SETX: variants seen among roughly 807,000 people sequenced by gnomAD.
SETX encodes the protein senataxin.
In SETX, 90 loss-of-function variants were observed where a neutral mutation model predicts 227.2. The observed-to-expected ratio is 0.40, with a 90% CI of 0.33 to 0.47. The LOEUF is 0.47. Among genes scored for constraint, SETX ranks in the 20% least tolerant of loss-of-function variants. The pLI is 0.91. For synonymous variants in SETX, 1,210 were observed against 1,113.2 expected, an observed-to-expected ratio of 1.09 and a Z score of -1.73; for missense variants, 3,052 against 3,181.5, an observed-to-expected ratio of 0.96 and a Z score of 0.98.
chr9:132,342,583 A>G, intron 5 of SETX, 107 bp downstream of exon 5: 1 of 920,602 alleles, frequency 1.1e-6, no homozygotes, highest in Non-Finnish European at 1.8e-6. Context: ...AGCAAGAAAA[A>G]TTTTAGCAAA....
chr9:132,345,935 C>T (rs567073147), intron 4 of SETX, among the ~76,000 whole-genome samples: 1 of 152,282 alleles, frequency 6.6e-6, no homozygotes, highest in Non-Finnish European at 1.5e-5. Flanking sequence ...AGGAGTATTA[C>T]TTGAGCCCAG....
At position 132,318,566 on chromosome 9, in the gene SETX, T is replaced by C. The variant is rs144108553; in HGVS notation, c.5275-6710A>G. ...ACTCTGGGAGTAAGCATTTCAGTAT[T>C]ACAATCTCTAAGTCTACCCTGATAC... On this transcript the variant is annotated intron_variant, in intron 10 of 25. Coordinates refer to ENST00000224140, the MANE Select transcript of SETX (RefSeq NM_015046.7). 2.6e-5 allele frequency among the ~76,000 whole-genome samples: 4 copies of C among 152,280 alleles called. No individual in the cohort carries two copies. The East Asian group carries it at 7.7e-4, about 29-fold the overall frequency.
intron 3 of SETX, among the ~76,000 whole-genome samples, chr9:132,347,072 C>G (rs1185997): frequency 1.3e-5 from 2 of 151,832 alleles, no homozygotes; most frequent in Non-Finnish European, 2.9e-5. Context: ...CTGACCAACA[C>G]GGAGGAACCT....
intron 13 of SETX, 146 bp downstream of exon 13, chr9:132,297,934 C>T (rs1844765120): frequency 4.3e-6 from 3 of 702,040 alleles, no homozygotes; most frequent in East Asian, 2.7e-5. Flanking sequence ...AAATTACATA[C>T]TTTGCAATAC....
rs1157691529 is a variant in SETX at position 132,335,390 on chromosome 9, CAAAAAAAAAAAAA to C, written c.719-676_719-664del. Among the ~76,000 whole-genome samples the C allele has an allele frequency of 1.9e-4, 10 of 52,016 alleles. No individual in the cohort carries two copies. The South Asian group carries it at 7.1e-3, about 37-fold the overall frequency. 34.1% of individuals were successfully genotyped at this position (52,016 alleles called of 152,430 possible). On this transcript the variant is annotated intron_variant, in intron 6 of 25. Transcript: ENST00000224140. Reference sequence around the variant, plus strand: ...TGGGCGACAGAGCAAGACTCCGTCTCAAAAAAAAAAAAAAAAAAAAAAAAAAGTATTTTGAGCC... The same window carrying C: ...TGGGCGACAGAGCAAGACTCCGTCTCAAAAAAAAAAAAAGTATTTTGAGCC...
intron 13 of SETX, among the ~76,000 whole-genome samples, chr9:132,297,767 T>A (rs866745825): frequency 3.9e-5 from 6 of 152,336 alleles, no homozygotes; most frequent in Middle Eastern, 6.8e-3. Flanking sequence ...CAATTCTCCA[T>A]CAATCATTCA....
chr9:132,322,471 C>T (rs1348288393), intron 10 of SETX, among the ~76,000 whole-genome samples: 1 of 152,196 alleles, frequency 6.6e-6, no homozygotes, highest in Non-Finnish European at 1.5e-5. Flanking sequence ...TGAACGGAAT[C>T]ATATAATATG....
chr9:132,302,681 C>CAAAAAAAAAAAAAAAAAAAAAAAA (rs57673567), intron 11 of SETX, among the ~76,000 whole-genome samples: 1 of 78,480 alleles, frequency 1.3e-5, no homozygotes, highest in Non-Finnish European at 2.9e-5. Flanking sequence ...AAAAAAAAAG[C>CAAAAAAAAAAAAAAAAAAAAAAAA]AAAAAAAAAA....
At position 132,262,278 on chromosome 9, in the gene SETX, T is replaced by G. The variant is rs1842438843; in HGVS notation, c.*1961A>C. 3 of 152,176 alleles carry G rather than the reference T, an allele frequency of 2.0e-5. No individual in the cohort carries two copies. The highest frequency in any genetic ancestry group is 2.0e-4 in the Admixed American group (3 of 15,258). The allele number at this position is 152,176 out of a possible 1,614,324, so 9.4% of individuals were successfully genotyped here. A position where few individuals can be genotyped will look rare whatever the true frequency, so the allele number is the denominator to read the frequency against. On this transcript the variant is annotated 3_prime_UTR_variant, in exon 26 of 26. Coordinates refer to ENST00000224140, the MANE Select transcript of SETX (RefSeq NM_015046.7). ...TTTCTCAAATCATGTGTTAATAGTA[T>G]TAACATGAGCAGCGTGAGAGACATC...
chr9:132,291,189 C>T (rs539546465), intron 15 of SETX, among the ~76,000 whole-genome samples: 2 of 99,158 alleles, frequency 2.0e-5, no homozygotes, highest in African/African-American at 4.1e-5. Context: ...TTTTTTGAGA[C>T]GGAGTCTTGC....
At chr9:132,277,176 ACATTCAG>A in intron 21 of SETX, 24 bp from the exon 22 acceptor site, 2 of 1,587,070 alleles carry the variant, frequency 1.3e-6, no homozygotes, top group Non-Finnish European at 1.7e-6. Context: ...AAAGCAGTCA[ACATTCAG>A]AATAAAGTCA....
In SETX at chr9:132,329,066, G is replaced by A. The variant is rs772635145; in HGVS notation, c.2532C>T (p.Asp844=). 3.7e-6 allele frequency: 6 copies of A among 1,609,624 alleles called. No homozygotes were observed. The East Asian group carries it at 8.9e-5, about 24-fold the overall frequency. The change falls in exon 10 of 26, where the codon GAC becomes GAT. Residue 844 remains aspartate, a synonymous_variant. Coordinates refer to ENST00000224140, the MANE Select transcript of SETX (RefSeq NM_015046.7). ...GDGFIHNLSL[D]PSGVLDDKNG... ...TCTTATCATCCAGAACACCACTAGG[G>A]TCTAAAGAAAGATTGTGTATGAAAC... is the stretch of plus-strand genomic sequence containing the variant.
In SETX at chr9:132,342,849, G is replaced by C. The variant is rs774809556; in HGVS notation, c.389-50C>G. The stretch of plus-strand genomic sequence containing the variant: ...TACATAAATCTTATCACCTTATCAA[G>C]ATTCCCTAAATTAGGCTCCTTGGGC... On this transcript the variant is annotated intron_variant, in intron 4 of 25. Coordinates refer to ENST00000224140, the MANE Select transcript of SETX (RefSeq NM_015046.7). 3 of 1,382,678 alleles carry C rather than the reference G, an allele frequency of 2.2e-6. No homozygotes were observed. In the South Asian group the frequency reaches 3.5e-5, roughly 16 times the overall value. 85.7% of individuals were successfully genotyped at this position (1,382,678 alleles called of 1,614,324 possible). A position where few individuals can be genotyped will look rare whatever the true frequency, so the allele number is the denominator to read the frequency against.
At chr9:132,311,985 GA>G in intron 10 of SETX, 129 bp from the exon 11 acceptor site, 1 of 734,502 alleles carries the variant, frequency 1.4e-6, no homozygotes, top group East Asian at 2.7e-5. Context: ...ACTAAAAATT[GA>G]TTCACGGCAG....
At chr9:132,286,699 G>C (rs1377318583) in intron 17 of SETX, among the ~76,000 whole-genome samples, 1 of 152,078 alleles carries the variant, frequency 6.6e-6, no homozygotes, top group African/African-American at 2.4e-5. Context: ...CGCTGCACGT[G>C]AGCTGTCTGC....
intron 5 of SETX, among the ~76,000 whole-genome samples, chr9:132,342,361 G>A (rs899197434): frequency 2.6e-5 from 4 of 151,994 alleles, no homozygotes; most frequent in African/African-American, 9.7e-5. Context: ...TGTTTTAACC[G>A]GTATCTCCAT....
chr9:132,329,033 T>C lies in SETX; in HGVS notation c.2565A>G (p.Glu855=). ...PSGVLDDKNG[E]QKSQNNVLPK... is the part of the protein sequence containing the mutation. ...GCAATACATTGTTTTGAGATTTTTG[T>C]TCTCCATTCTTATCATCCAGAACAC... Residue 855 remains glutamate (E), a synonymous_variant, in exon 10 of 26, where the codon GAA becomes GAG. Coordinates refer to ENST00000224140, the MANE Select transcript of SETX (RefSeq NM_015046.7). 6.2e-7 allele frequency: 1 copy of C among 1,608,012 alleles called. No homozygotes were observed. Among genetic ancestry groups the C allele is most frequent in the Non-Finnish European group, 8.5e-7 (1 of 1,177,880 alleles).
intron 19 of SETX, among the ~76,000 whole-genome samples, chr9:132,282,527 C>T (rs1055536707): frequency 4.6e-5 from 7 of 151,842 alleles, no homozygotes; most frequent in Admixed American, 2.6e-4. Context: ...TGGGCTCAAG[C>T]GATCCACCCT....
At chr9:132,335,954 C>T (rs879638479) in intron 6 of SETX, among the ~76,000 whole-genome samples, 3 of 152,070 alleles carry the variant, frequency 2.0e-5, no homozygotes, top group African/African-American at 7.2e-5. Flanking sequence ...CTCATAGGAA[C>T]TACAGGGCCG....
Sources: gnomAD v4.1 joint callset for allele counts (sites outside exome capture counted in the v4.1 genomes callset) on GRCh38, gnomAD v4.1.1 for gene constraint, MANE v1.5 for transcripts, NCBI Gene and HGNC (gene_info 2026-07-23, HGNC 2026-07-21) for gene names.